DSC3: variants seen among roughly 807,000 people sequenced by gnomAD.
DSC3 encodes desmocollin-3.
DSC3 carries 97 observed loss-of-function variants against 89.5 expected under a neutral mutation model. The ratio of observed to expected loss-of-function variants is 1.08; its 90% confidence interval spans 0.92 to 1.28. DSC3 has a LOEUF of 1.28. Ranked by LOEUF, DSC3 falls within the 50% of genes most tolerant of loss-of-function variation. DSC3 has a pLI of 0.00. For missense variants in DSC3, 1,199 were observed against 1,085.3 expected, an observed-to-expected ratio of 1.10 and a Z score of -1.47; for synonymous variants, 436 against 384.1, an observed-to-expected ratio of 1.14 and a Z score of -1.58.
At chr18:31,013,633 G>C (rs895305346) in intron 9 of DSC3, among the ~76,000 whole-genome samples, 1 of 152,142 alleles carries the variant, frequency 6.6e-6, no homozygotes, top group African/African-American at 2.4e-5. Flanking sequence ...GACAGGACTA[G>C]TGAGCTTGAA....
In DSC3 at chr18:31,014,059, G is replaced by C. The variant is rs1985156324; in HGVS notation, c.1263+4012C>G. Reference sequence around the variant, plus strand: ...ATATTTTACTGTAATGTCTAAAATAGATAGCTGTAAAAAATGGCAAAACTG... The same window carrying C: ...ATATTTTACTGTAATGTCTAAAATACATAGCTGTAAAAAATGGCAAAACTG... On this transcript the variant is annotated intron_variant, in intron 9 of 15. Transcript: ENST00000360428. Among the ~76,000 whole-genome samples, 3 of 152,052 alleles carry C rather than the reference G, an allele frequency of 2.0e-5. No homozygotes were observed. The South Asian group carries it at 6.2e-4, about 32-fold the overall frequency.
rs529755526 is a variant in DSC3 at position 31,038,299 on chromosome 18, A to C, written c.69+4293T>G. Among the ~76,000 whole-genome samples, 3 of 152,320 alleles carry C rather than the reference A, an allele frequency of 2.0e-5. No homozygotes were observed. In the East Asian group the frequency reaches 5.8e-4, roughly 29 times the overall value. On this transcript the variant is annotated intron_variant, in intron 1 of 15. Coordinates refer to ENST00000360428, the MANE Select transcript of DSC3 (RefSeq NM_001941.5). ...TGTTCCATATAATTCTGAAAGAAAT[A>C]ACTTATCACAAACCTGGGCCTGGTG...
rs116009142 is a variant in DSC3 at position 31,024,243 on chromosome 18, C to T, written c.775+106G>A. The T allele has an allele frequency of 4.8e-5, 52 of 1,073,160 alleles. 1 individual carries two copies. In the South Asian group the frequency reaches 5.6e-4, roughly 12 times the overall value. 66.5% of individuals were successfully genotyped at this position (1,073,160 alleles called of 1,614,324 possible). A position where few individuals can be genotyped will look rare whatever the true frequency, so the allele number is the denominator to read the frequency against. ...TTCTGGTAAGTAGATTCTAGTTCAGCGTTATCTCAGGCTGATCTGGCCTTG... is the reference window on the plus strand; with the variant it reads ...TTCTGGTAAGTAGATTCTAGTTCAGTGTTATCTCAGGCTGATCTGGCCTTG... On this transcript the variant is annotated intron_variant, in intron 6 of 15. Transcript: ENST00000360428.
At chr18:31,031,216 A>G (rs1463650559) in intron 2 of DSC3, 44 bp from the exon 3 acceptor site, 4 of 1,302,072 alleles carry the variant, frequency 3.1e-6, no homozygotes, top group Admixed American at 2.2e-5. Flanking sequence ...AACACATGAG[A>G]AAAAAAAACG....
chr18:31,032,313 T>C (rs780841074), intron 1 of DSC3, 37 bp from the exon 2 acceptor site: 2 of 1,476,866 alleles, frequency 1.4e-6, no homozygotes, highest in Admixed American at 1.7e-5. Flanking sequence ...CAGTAGAAAA[T>C]AAAGATTAAA....
intron 12 of DSC3, 54 bp from the exon 13 acceptor site, chr18:31,004,420 G>T (rs1443082824): frequency 1.3e-6 from 2 of 1,520,302 alleles, no homozygotes; most frequent in East Asian, 4.6e-5. Flanking sequence ...TCTTCCCTTA[G>T]CATTTGTTTC....
intron 7 of DSC3, among the ~76,000 whole-genome samples, chr18:31,019,190 G>A (rs967882684): frequency 6.6e-6 from 1 of 152,118 alleles, no homozygotes; most frequent in African/African-American, 2.4e-5. Context: ...TCCGCCTCCT[G>A]AGTTCAAATG....
intron 14 of DSC3, 134 bp from the exon 15 acceptor site, chr18:30,997,182 A>G: frequency 8.6e-7 from 1 of 1,162,244 alleles, no homozygotes; most frequent in Middle Eastern, 2.4e-4. Flanking sequence ...GACATTTATC[A>G]GTTTCTAATT....
In DSC3 at chr18:31,007,133, T is replaced by C. The variant is rs757967305; in HGVS notation, c.1664-2A>G. 1.9e-6 allele frequency: 3 copies of C among 1,604,158 alleles called. No homozygotes were observed. The highest frequency in any genetic ancestry group is 2.6e-6 in the Non-Finnish European group (3 of 1,171,176). ...GTGTTCCAGTACATGATCTATCATC[T>C]AAGGAGACAGGAATAAGGTTTAGTG... is the stretch of plus-strand genomic sequence containing the variant. On this transcript the variant is annotated splice_acceptor_variant, in intron 11 of 15. Transcript: ENST00000360428. LOFTEE classifies it high-confidence loss of function.
chr18:31,001,738 A>C lies in DSC3; in HGVS notation c.2115T>G (p.Ser705=). The C allele has an allele frequency of 6.3e-7, 1 of 1,583,794 alleles. No individual in the cohort carries two copies. Among genetic ancestry groups the C allele is most frequent in the South Asian group, 1.2e-5 (1 of 84,030 alleles). The change falls in exon 14 of 16, where the codon TCT becomes TCG. Residue 705 remains serine (S), a splice_region_variant and synonymous_variant. Coordinates refer to ENST00000360428, the MANE Select transcript of DSC3 (RefSeq NM_001941.5). The part of the protein sequence containing the change: ...AILLGIALLF[S]VLLTLVCGVF... ...CTCCACATACTAAAGTTAGCAATAC[A>C]GCTGAATTTAAAAATAAAAATAAAA...
At chr18:31,036,918 G>T (rs979527067) in intron 1 of DSC3, among the ~76,000 whole-genome samples, 4 of 149,680 alleles carry the variant, frequency 2.7e-5, no homozygotes, top group Admixed American at 1.4e-4. Flanking sequence ...TCAGCCTCCT[G>T]AGTAGCTGGG....
At position 30,990,009 on chromosome 18, in the gene DSC3, A is replaced by G. The variant is rs527319857; in HGVS notation, c.*4166T>C. The G allele has an allele frequency of 3.9e-5, 6 of 152,222 alleles. No homozygotes were observed. Among genetic ancestry groups the G allele is most frequent in the African/African-American group, 1.2e-4 (5 of 41,464 alleles). The allele number at this position is 152,222 out of a possible 1,614,324, so 9.4% of individuals were successfully genotyped here. On this transcript the variant is annotated 3_prime_UTR_variant, in exon 16 of 16. Coordinates refer to ENST00000360428, the MANE Select transcript of DSC3 (RefSeq NM_001941.5). ...TTATCAATTCCATTGTCTGGAAATC[A>G]TGTTTCGGGATTATATATATGCACA...
In DSC3 at chr18:30,996,904, C is replaced by G. The variant is rs1287026397; in HGVS notation, c.2380G>C (p.Gly794Arg). 1.2e-5 allele frequency: 20 copies of G among 1,613,860 alleles called. No homozygotes were observed. The highest frequency in any genetic ancestry group is 1.6e-5 in the Non-Finnish European group (19 of 1,180,004). Residue 794 changes from glycine to arginine, a missense_variant, in exon 15 of 16, where the codon GGG becomes CGG. Gly to Arg is a moderately radical substitution (Grantham distance 125). Coordinates refer to ENST00000360428, the MANE Select transcript of DSC3 (RefSeq NM_001941.5). ...TCCAGGGTATGATGATGCCCAGCCC[C>G]CCGGCAGGATTCCAAGGTCTGGTTT... ...GGNQTLESCR[G>R]AGHHHTLDSC...
intron 11 of DSC3, 83 bp downstream of exon 11, chr18:31,007,933 C>A: frequency 7.8e-7 from 1 of 1,279,690 alleles, no homozygotes; most frequent in Non-Finnish European, 1.1e-6. Context: ...ATACACTTAC[C>A]ACCAAAATAA....
Position 30,994,023 on chromosome 18 carries a change from C to CAACTTGCTT in DSC3, c.*143_*151dup. Reference sequence around the variant, plus strand: ...TTCACTTTTTGGAAAAGATAAGCAACAACTTGCTTTAAAAATATAAATTGG... The same window carrying CAACTTGCTT: ...TTCACTTTTTGGAAAAGATAAGCAACAACTTGCTTAACTTGCTTTAAAAATATAAATTGG... On this transcript the variant is annotated 3_prime_UTR_variant, in exon 16 of 16. Transcript: ENST00000360428. 1.3e-6 allele frequency: 1 copy of CAACTTGCTT among 767,474 alleles called. No homozygotes were observed. Among genetic ancestry groups the CAACTTGCTT allele is most frequent in the East Asian group, 2.8e-5 (1 of 35,260 alleles). 47.5% of individuals were successfully genotyped at this position (767,474 alleles called of 1,614,324 possible).
intron 9 of DSC3, among the ~76,000 whole-genome samples, chr18:31,017,837 A>G (rs567444237): frequency 5.9e-5 from 9 of 152,306 alleles, no homozygotes; most frequent in East Asian, 3.9e-4. Context: ...TAAGTGGCCA[A>G]TGGAGCTATG....
intron 7 of DSC3, 129 bp from the exon 8 acceptor site, chr18:31,018,929 C>T: frequency 1.1e-6 from 1 of 903,350 alleles, no homozygotes; most frequent in Non-Finnish European, 1.8e-6. Context: ...TACCTGATTT[C>T]CATATTTGCA....
intron 6 of DSC3, 33 bp downstream of exon 6, chr18:31,024,316 A>G: frequency 1.3e-6 from 2 of 1,540,622 alleles, no homozygotes; most frequent in South Asian, 2.5e-5. Context: ...ACATATTTAA[A>G]ATGATTCTTT....
At chr18:31,003,701 T>C (rs1984740660) in intron 13 of DSC3, among the ~76,000 whole-genome samples, 3 of 152,164 alleles carry the variant, frequency 2.0e-5, no homozygotes, top group African/African-American at 4.8e-5. Context: ...GTTAACAGAA[T>C]TTAAAATTGG....
Sources: allele counts gnomAD v4.1 joint callset (sites outside exome capture counted in the v4.1 genomes callset), GRCh38; gene constraint gnomAD v4.1.1; transcripts MANE v1.5; gene names NCBI Gene and HGNC (gene_info 2026-07-23, HGNC 2026-07-21).